The following HERC5 variants were observed in gnomAD, a reference collection of about 807,000 sequenced individuals.
The protein encoded by HERC5 is E3 ISG15--protein ligase HERC5.
Under a neutral mutation model 119.6 loss-of-function variants are expected in HERC5, and 99 were observed. That is an observed-to-expected ratio of 0.83 (90% CI 0.70 to 0.98). HERC5 has a LOEUF of 0.98. Ranked by LOEUF, HERC5 falls within the 50% of genes least tolerant of loss-of-function variation. The probability of loss-of-function intolerance (pLI) is 0.00; values close to 1 mark genes in which losing one functional copy is unlikely to be tolerated. For synonymous variants in HERC5, 478 were observed against 445.9 expected, an observed-to-expected ratio of 1.07 and a Z score of -0.91; for missense variants, 1,267 against 1,241.3, an observed-to-expected ratio of 1.02 and a Z score of -0.31.
chr4:88,479,607 C>A, intron 13 of HERC5, 100 bp downstream of exon 13: 3 of 912,052 alleles, frequency 3.3e-6, no homozygotes, highest in African/African-American at 1.7e-5. Flanking sequence ...GTGAGACATA[C>A]GAAGTTTATA....
At chr4:88,494,923 G>T (rs1434426373) in intron 18 of HERC5, among the ~76,000 whole-genome samples, 1 of 152,204 alleles carries the variant, frequency 6.6e-6, no homozygotes, top group Non-Finnish European at 1.5e-5. Flanking sequence ...GTGGTTTGAA[G>T]TGTTGATGCT....
chr4:88,489,064 C>A, intron 15 of HERC5, 102 bp from the exon 16 acceptor site: 1 of 848,102 alleles, frequency 1.2e-6, no homozygotes, highest in Non-Finnish European at 1.9e-6. Context: ...TAAATGTGAC[C>A]TGCACTTATA....
chr4:88,476,143 G>A (rs920227321), intron 12 of HERC5, 113 bp downstream of exon 12: 43 of 773,866 alleles, frequency 5.6e-5, no homozygotes, highest in Middle Eastern at 3.6e-4. Context: ...TTTTTAGTTC[G>A]TATTGTTAGC....
chr4:88,505,802 T>C lies in HERC5; in HGVS notation c.2999T>C (p.Leu1000Pro). 1 of 1,613,780 alleles carries C rather than the reference T, an allele frequency of 6.2e-7. No individual in the cohort carries two copies. Among genetic ancestry groups the C allele is most frequent in the Non-Finnish European group, 8.5e-7 (1 of 1,179,716 alleles). The part of the protein sequence containing the change: ...RALTCFSVLF[L>P]PKYSTMETVE... ...CTGACATGTTTCAGTGTCCTCTTCCTCCCTAAATATTCTACAATGGAAACA... is the reference window on the plus strand; with the variant it reads ...CTGACATGTTTCAGTGTCCTCTTCCCCCCTAAATATTCTACAATGGAAACA... Residue 1000 changes from leucine to proline, a missense_variant, in exon 23 of 23, where the codon CTC becomes CCC. By Grantham distance (98) the Leu-to-Pro change is moderately conservative. Coordinates refer to ENST00000264350, the MANE Select transcript of HERC5 (RefSeq NM_016323.4).
chr4:88,504,082 T>A, intron 20 of HERC5, 150 bp from the exon 21 acceptor site: 1 of 427,818 alleles, frequency 2.3e-6, no homozygotes, highest in Non-Finnish European at 4.1e-6. Context: ...AAAAAAAAAA[T>A]TACATTAGAT....
intron 1 of HERC5, 149 bp from the exon 2 acceptor site, chr4:88,459,198 C>T (rs1578461339): frequency 1.8e-6 from 1 of 560,126 alleles, no homozygotes; most frequent in Non-Finnish European, 2.9e-6. Flanking sequence ...GCTTTGCCTA[C>T]CTGAATTTTC....
rs916249509 is a variant in HERC5, at chr4:88,505,917, AT to A, written c.*40del. 2.7e-6 allele frequency: 4 copies of A among 1,483,122 alleles called. No individual in the cohort carries two copies. The highest frequency in any genetic ancestry group is 3.7e-6 in the Non-Finnish European group (4 of 1,079,700). 91.9% of individuals were successfully genotyped at this position (1,483,122 alleles called of 1,614,324 possible). A position where few individuals can be genotyped will look rare whatever the true frequency, so the allele number is the denominator to read the frequency against. On this transcript the variant is annotated 3_prime_UTR_variant, in exon 23 of 23. Transcript: ENST00000264350. Reference sequence around the variant, plus strand: ...CCAACAGCCTTATTTTGTTGTTGTTATCGTTGTTGTTGTTGTTGTTGTTGTT... The same window carrying A: ...CCAACAGCCTTATTTTGTTGTTGTTACGTTGTTGTTGTTGTTGTTGTTGTT...
chr4:88,461,682 A>T (rs1740449235), intron 3 of HERC5, among the ~76,000 whole-genome samples: 1 of 152,214 alleles, frequency 6.6e-6, no homozygotes, highest in Non-Finnish European at 1.5e-5. Flanking sequence ...CTGTAATTTG[A>T]AATTAATTTT....
At chr4:88,477,949 C>T (rs1011297202) in intron 12 of HERC5, among the ~76,000 whole-genome samples, 15 of 151,842 alleles carry the variant, frequency 9.9e-5, no homozygotes, top group African/African-American at 2.2e-4. Flanking sequence ...CATTCACGAA[C>T]GATTTTTAAT....
intron 12 of HERC5, among the ~76,000 whole-genome samples, chr4:88,478,710 C>G (rs562565824): frequency 9.9e-5 from 15 of 152,248 alleles, no homozygotes; most frequent in African/African-American, 3.6e-4. Flanking sequence ...CTCCCAGTCT[C>G]AAGCGGTTCT....
At chr4:88,488,682 G>T (rs560339819) in intron 15 of HERC5, among the ~76,000 whole-genome samples, 6 of 148,688 alleles carry the variant, frequency 4.0e-5, no homozygotes, top group Non-Finnish European at 6.0e-5. Context: ...TCTTGTCTTG[G>T]TTTTTTTTTT....
At chr4:88,502,289 A>C (rs1741970125) in intron 20 of HERC5, among the ~76,000 whole-genome samples, 1 of 152,154 alleles carries the variant, frequency 6.6e-6, no homozygotes, top group Non-Finnish European at 1.5e-5. Context: ...CTCCTACCTG[A>C]AATTCATTTG....
Position 88,457,206 on chromosome 4 carries a change from G to C in HERC5, c.-64G>C, listed in dbSNP as rs532090497. On this transcript the variant is annotated 5_prime_UTR_variant, in exon 1 of 23. Coordinates refer to ENST00000264350, the MANE Select transcript of HERC5 (RefSeq NM_016323.4). Reference sequence around the variant, plus strand: ...GCGCAACGCCTGAGGCAGTGGGCGCGCTCAGTCCCGGGACCAGGCGTTCTC... The same window carrying C: ...GCGCAACGCCTGAGGCAGTGGGCGCCCTCAGTCCCGGGACCAGGCGTTCTC... The C allele has an allele frequency of 4.7e-5, 59 of 1,244,892 alleles. No homozygotes were observed. The Admixed American group carries it at 2.0e-3, about 43-fold the overall frequency. 77.1% of individuals were successfully genotyped at this position (1,244,892 alleles called of 1,614,324 possible). A position where few individuals can be genotyped will look rare whatever the true frequency, so the allele number is the denominator to read the frequency against.
chr4:88,478,642 T>TA (rs1419780172), intron 12 of HERC5, among the ~76,000 whole-genome samples: 4 of 152,134 alleles, frequency 2.6e-5, no homozygotes, highest in Non-Finnish European at 5.9e-5. Context: ...GATGGGGTCT[T>TA]ACTCTGTCAC....
intron 18 of HERC5, among the ~76,000 whole-genome samples, chr4:88,498,560 T>C (rs1169486385): frequency 6.6e-6 from 1 of 152,166 alleles, no homozygotes; most frequent in Non-Finnish European, 1.5e-5. Flanking sequence ...CCTGTTCCAC[T>C]GTTGTATTTT....
At chr4:88,498,420 G>C (rs888600299) in intron 18 of HERC5, among the ~76,000 whole-genome samples, 11 of 152,206 alleles carry the variant, frequency 7.2e-5, no homozygotes, top group Non-Finnish European at 1.5e-4. Flanking sequence ...GTGGGACATT[G>C]AGTCAAAGAT....
chr4:88,479,679 T>G (rs1378097250), intron 13 of HERC5, among the ~76,000 whole-genome samples, 172 bp downstream of exon 13: 1 of 152,070 alleles, frequency 6.6e-6, no homozygotes, highest in African/African-American at 2.4e-5. Context: ...ATATATATAA[T>G]ACCTATTTAG....
chr4:88,494,226 A>T lies in HERC5; in HGVS notation c.2339A>T (p.Asn780Ile). The T allele has an allele frequency of 1.2e-6, 2 of 1,613,626 alleles. No homozygotes were observed. Among genetic ancestry groups the T allele is most frequent in the South Asian group, 1.1e-5 (1 of 91,054 alleles). Residue 780 changes from asparagine to isoleucine, a missense_variant, in exon 18 of 23, where the codon AAT becomes ATT. Asn to Ile is a moderately radical substitution (Grantham distance 149, BLOSUM62 -3). Coordinates refer to ENST00000264350, the MANE Select transcript of HERC5 (RefSeq NM_016323.4). ...FGVLCGLSLF[N>I]CNVANLPFPL... ...GTTCTATGTGGACTTTCCCTGTTCA[A>T]TTGCAATGTTGCCAACCTTCCTTTC... is the stretch of plus-strand genomic sequence containing the variant.
chr4:88,458,833 C>T (rs1358199905), intron 1 of HERC5, among the ~76,000 whole-genome samples: 3 of 152,128 alleles, frequency 2.0e-5, no homozygotes, highest in African/African-American at 4.8e-5. Context: ...CAACAGCATC[C>T]TCTTTAAAGA....
Sources: gnomAD v4.1 joint callset for allele counts (sites outside exome capture counted in the v4.1 genomes callset) on GRCh38, gnomAD v4.1.1 for gene constraint, MANE v1.5 for transcripts, NCBI Gene and HGNC (gene_info 2026-07-23, HGNC 2026-07-21) for gene names.